Variants in CACNB4 observed in about 807,000 individuals in gnomAD.
CACNB4 encodes the protein calcium voltage-gated channel auxiliary subunit beta 4, also known as voltage-dependent L-type calcium channel subunit beta-4.
CACNB4 carries 32 observed loss-of-function variants against 71.2 expected under a neutral mutation model. The ratio of observed to expected loss-of-function variants is 0.45; its 90% CI spans 0.34 to 0.60. The LOEUF (loss-of-function observed/expected upper bound fraction) is 0.60, where lower values mean the gene tolerates loss of function less well. Ranked by LOEUF, CACNB4 falls within the 20% of genes least tolerant of loss-of-function variation. The pLI is 0.01. For synonymous variants in CACNB4, 231 were observed against 236.9 expected (o/e 0.97, Z 0.23); for missense variants, 464 against 647.9 (o/e 0.72, Z 3.08).
intron 2 of CACNB4, among the ~76,000 whole-genome samples, chr2:151,898,576 G>A (rs1014042498): frequency 1.3e-5 from 2 of 152,118 alleles, no homozygotes; most frequent in African/African-American, 2.4e-5. Context: ...TTGTTTCAAC[G>A]AGGAAAATAA....
rs1374824059 is a variant in CACNB4, at chr2:151,837,116, G to A, written c.*2003C>T. On this transcript the variant is annotated 3_prime_UTR_variant, in exon 14 of 14. Coordinates refer to ENST00000539935, the MANE Select transcript of CACNB4 (RefSeq NM_000726.5). ...AATGGCAGGTTATATGTTTATTAAA[G>A]TGCCTAATGGATATAACTCTTTTAA... 1 of 151,942 alleles carries A rather than the reference G, an allele frequency of 6.6e-6. No homozygotes were observed. The highest frequency in any genetic ancestry group is 1.5e-5 in the Non-Finnish European group (1 of 67,870). The allele number at this position is 151,942 out of a possible 1,614,324, so 9.4% of individuals were successfully genotyped here.
At chr2:151,885,672 G>T (rs1398832394) in intron 2 of CACNB4, among the ~76,000 whole-genome samples, 1 of 152,084 alleles carries the variant, frequency 6.6e-6, no homozygotes, top group Non-Finnish European at 1.5e-5. Context: ...CCTGATAACC[G>T]CAATGTGTCC....
At chr2:151,912,735 T>G (rs762809022) in intron 2 of CACNB4, among the ~76,000 whole-genome samples, 2 of 151,778 alleles carry the variant, frequency 1.3e-5, no homozygotes, top group Non-Finnish European at 2.9e-5. Flanking sequence ...ATTTTCTGTC[T>G]CGTTGATCTG....
At chr2:152,070,280 C>G (rs1304196677) in intron 2 of CACNB4, among the ~76,000 whole-genome samples, 1 of 152,162 alleles carries the variant, frequency 6.6e-6, no homozygotes, top group African/African-American at 2.4e-5. Context: ...GAACAGGGCA[C>G]TTCTTAGGAA....
intron 9 of CACNB4, among the ~76,000 whole-genome samples, chr2:151,862,540 C>A (rs2099842003): frequency 6.6e-6 from 1 of 152,218 alleles, no homozygotes; most frequent in Non-Finnish European, 1.5e-5. Context: ...ACCTCAGGGA[C>A]TGTTCTGAGG....
chr2:151,971,804 C>T (rs2099872625), intron 2 of CACNB4: 2 of 569,238 alleles, frequency 3.5e-6, no homozygotes, highest in Admixed American at 5.9e-5. Context: ...TTCAATCCCG[C>T]CCACCTGAAA....
chr2:151,923,683 T>C (rs2099859516), intron 2 of CACNB4, among the ~76,000 whole-genome samples: 1 of 152,208 alleles, frequency 6.6e-6, no homozygotes, highest in Non-Finnish European at 1.5e-5. Context: ...CAATAAAAGC[T>C]CATTTACAAA....
At chr2:152,075,422 A>G (rs115570934) in intron 2 of CACNB4, among the ~76,000 whole-genome samples, 128 of 152,362 alleles carry the variant, frequency 8.4e-4, no homozygotes, top group Middle Eastern at 6.8e-3. Flanking sequence ...GGAGGAAGAA[A>G]CAAATCCTGC....
chr2:151,879,408 T>C (rs2099847258), intron 4 of CACNB4: 1 of 152,102 alleles, frequency 6.6e-6, no homozygotes, highest in African/African-American at 2.4e-5. Context: ...ATTTGGCTTA[T>C]GTGACAAGCA....
intron 2 of CACNB4, among the ~76,000 whole-genome samples, chr2:151,998,207 C>T (rs1356395317): frequency 6.6e-6 from 1 of 151,688 alleles, no homozygotes; most frequent in African/African-American, 2.4e-5. Context: ...CACCTGTAGT[C>T]CCAGCTACTC....
intron 2 of CACNB4, chr2:152,048,481 C>T (rs1685249644): frequency 6.6e-6 from 1 of 152,278 alleles, no homozygotes. Flanking sequence ...GCCTCCACTT[C>T]ATCCCCACAC....
At chr2:152,091,473 A>G (rs1335432983) in intron 2 of CACNB4, among the ~76,000 whole-genome samples, 1 of 151,814 alleles carries the variant, frequency 6.6e-6, no homozygotes, top group Admixed American at 6.6e-5. Flanking sequence ...GGTCTCTACT[A>G]AAAATACAAA....
intron 2 of CACNB4, among the ~76,000 whole-genome samples, chr2:152,028,494 C>G (rs1288331299): frequency 6.6e-6 from 1 of 152,180 alleles, no homozygotes; most frequent in Non-Finnish European, 1.5e-5. Context: ...CCTTTCAATA[C>G]TTAACCTATA....
chr2:151,906,705 C>T (rs921597418), intron 2 of CACNB4, among the ~76,000 whole-genome samples: 4 of 152,134 alleles, frequency 2.6e-5, no homozygotes, highest in African/African-American at 9.7e-5. Context: ...ATTCTGATGG[C>T]CCTAAGTCAG....
At chr2:151,969,683 A>G (rs6708698) in intron 2 of CACNB4, 73,156 of 152,050 alleles carry the variant, frequency 0.48, 20,521 homozygotes, top group Non-Finnish European at 0.64. Flanking sequence ...ATTGAGACAA[A>G]CATACATAGT....
chr2:151,895,190 G>A (rs1392228038), intron 2 of CACNB4, among the ~76,000 whole-genome samples: 2 of 149,152 alleles, frequency 1.3e-5, no homozygotes, highest in Admixed American at 1.3e-4. Flanking sequence ...CACAAAACCT[G>A]ACCTTAAAAT....
At chr2:151,845,113 G>T (rs1377710796) in intron 12 of CACNB4, among the ~76,000 whole-genome samples, 2 of 152,180 alleles carry the variant, frequency 1.3e-5, no homozygotes, top group Non-Finnish European at 2.9e-5. Flanking sequence ...TTGTTACATT[G>T]TCACGGTTGT....
At chr2:151,920,976 A>C (rs1044585109) in intron 2 of CACNB4, among the ~76,000 whole-genome samples, 7 of 151,936 alleles carry the variant, frequency 4.6e-5, no homozygotes, top group East Asian at 3.9e-4. Context: ...GTCTCTACTA[A>C]AAATACAAAA....
At chr2:152,043,717 G>A (rs936704946) in intron 2 of CACNB4, among the ~76,000 whole-genome samples, 41 of 152,260 alleles carry the variant, frequency 2.7e-4, no homozygotes, top group Admixed American at 1.2e-3. Flanking sequence ...CTGGGGTTCT[G>A]TAACATATTT....
Sources: allele counts gnomAD v4.1 joint callset (sites outside exome capture counted in the v4.1 genomes callset), GRCh38; gene constraint gnomAD v4.1.1; transcripts MANE v1.5; gene names NCBI Gene and HGNC (gene_info 2026-07-23, HGNC 2026-07-21).